HHAT: variants seen among roughly 807,000 people sequenced by gnomAD.
The protein encoded by HHAT is hedgehog acyltransferase, also known as protein-cysteine N-palmitoyltransferase HHAT.
In HHAT, 47 loss-of-function variants were observed where a neutral mutation model predicts 70.8. The observed-to-expected ratio is 0.66, with a 90% confidence interval of 0.53 to 0.85. The LOEUF (loss-of-function observed/expected upper bound fraction) is 0.85, where lower values mean the gene tolerates loss of function less well. Ranked by LOEUF, HHAT falls within the 40% of genes least tolerant of loss-of-function variation. HHAT has a pLI of 0.00. For synonymous variants in HHAT, 228 were observed against 247.6 expected (o/e 0.92, Z 0.74); for missense variants, 609 against 604.8 (o/e 1.01, Z -0.07).
chr1:210,482,635 A>G (rs1234222457), intron 8 of HHAT, among the ~76,000 whole-genome samples: 1 of 152,192 alleles, frequency 6.6e-6, no homozygotes, highest in African/African-American at 2.4e-5. Flanking sequence ...GATTGCCTGC[A>G]TGAAGATATT....
At chr1:210,558,720 T>C (rs994499190) in intron 9 of HHAT, among the ~76,000 whole-genome samples, 2 of 152,024 alleles carry the variant, frequency 1.3e-5, no homozygotes, top group African/African-American at 4.8e-5. Context: ...CCATTTTCTT[T>C]GAACCTCCAA....
intron 10 of HHAT, among the ~76,000 whole-genome samples, chr1:210,602,796 C>T (rs769636309): frequency 6.6e-6 from 1 of 152,116 alleles, no homozygotes; most frequent in Admixed American, 6.5e-5. Context: ...GGCACCCCCA[C>T]AGCATTGTCT....
intron 10 of HHAT, among the ~76,000 whole-genome samples, chr1:210,623,117 C>T (rs1669176345): frequency 6.6e-6 from 1 of 152,196 alleles, no homozygotes; most frequent in African/African-American, 2.4e-5. Context: ...GTCACCCAGA[C>T]TTGGAGTCCT....
intron 11 of HHAT, among the ~76,000 whole-genome samples, chr1:210,672,477 C>A (rs184577444): frequency 6.6e-6 from 1 of 152,334 alleles, no homozygotes; most frequent in East Asian, 1.9e-4. Context: ...TCTTGCTCAG[C>A]CCACGTGGCC....
intron 9 of HHAT, among the ~76,000 whole-genome samples, chr1:210,559,649 C>T (rs2095603506): frequency 6.6e-6 from 1 of 152,168 alleles, no homozygotes; most frequent in Non-Finnish European, 1.5e-5. Flanking sequence ...ACCAAATGTC[C>T]TGGAGACCAT....
rs949466476 is a variant in HHAT at position 210,674,575 on chromosome 1, T to A, written c.*196T>A. 7.1e-6 allele frequency: 4 copies of A among 561,502 alleles called. No homozygotes were observed. Among genetic ancestry groups the A allele is most frequent in the African/African-American group, 5.7e-5 (3 of 53,042 alleles). 34.8% of individuals were successfully genotyped at this position (561,502 alleles called of 1,614,324 possible). A position where few individuals can be genotyped will look rare whatever the true frequency, so the allele number is the denominator to read the frequency against. ...ATCTTCTAATCTGGAGTCTTTGAGA[T>A]CTTCTACCCCAACTCATCATTTTCC... is the stretch of plus-strand genomic sequence containing the variant. On this transcript the variant is annotated 3_prime_UTR_variant, in exon 12 of 12. Coordinates refer to ENST00000261458, the MANE Select transcript of HHAT (RefSeq NM_018194.6).
intron 9 of HHAT, among the ~76,000 whole-genome samples, chr1:210,579,254 A>G (rs868133504): frequency 6.6e-6 from 1 of 152,162 alleles, no homozygotes; most frequent in Non-Finnish European, 1.5e-5. Context: ...GTTTACCTAT[A>G]TAACAACCAG....
intron 3 of HHAT, among the ~76,000 whole-genome samples, chr1:210,368,488 G>A (rs1389280971): frequency 6.6e-6 from 1 of 151,890 alleles, no homozygotes; most frequent in African/African-American, 2.4e-5. Context: ...GATGCGTTTC[G>A]CCATGTCGGC....
chr1:210,380,756 C>G (rs1356905008), intron 3 of HHAT, among the ~76,000 whole-genome samples: 1 of 151,796 alleles, frequency 6.6e-6, no homozygotes, highest in Non-Finnish European at 1.5e-5. Flanking sequence ...GATGGTTTTT[C>G]CAAATAGAGG....
chr1:210,478,233 G>C (rs938723632), intron 8 of HHAT, among the ~76,000 whole-genome samples: 16 of 152,140 alleles, frequency 1.1e-4, no homozygotes, highest in African/African-American at 3.9e-4. Flanking sequence ...TGTTTTTTGT[G>C]TGTTTCATTT....
intron 7 of HHAT, among the ~76,000 whole-genome samples, chr1:210,429,272 T>C (rs182066231): frequency 1.3e-5 from 2 of 151,984 alleles, no homozygotes; most frequent in East Asian, 3.9e-4. Context: ...AGTACTTTTC[T>C]AATATCTAAT....
At chr1:210,418,089 C>T in intron 6 of HHAT, 65 bp from the exon 7 acceptor site, 1 of 1,492,544 alleles carries the variant, frequency 6.7e-7, no homozygotes, top group Non-Finnish European at 9.3e-7. Flanking sequence ...TATGAAAAAT[C>T]TTATCTAAGG....
chr1:210,331,781 C>A (rs1301121136), intron 1 of HHAT, among the ~76,000 whole-genome samples: 1 of 152,198 alleles, frequency 6.6e-6, no homozygotes, highest in African/African-American at 2.4e-5. Flanking sequence ...CACTTATCTG[C>A]CGACTTGAAC....
At chr1:210,469,542 A>T (rs2094163547) in intron 8 of HHAT, among the ~76,000 whole-genome samples, 1 of 152,224 alleles carries the variant, frequency 6.6e-6, no homozygotes, top group Non-Finnish European at 1.5e-5. Flanking sequence ...CATGTACTAA[A>T]GCACTGGATA....
At chr1:210,528,070 G>T (rs562622165) in intron 9 of HHAT, among the ~76,000 whole-genome samples, 1 of 152,154 alleles carries the variant, frequency 6.6e-6, no homozygotes, top group South Asian at 2.1e-4. Context: ...AATTCCTACC[G>T]TCTGGGAGCT....
chr1:210,502,024 CTTTTT>C (rs76785301), intron 8 of HHAT, among the ~76,000 whole-genome samples: 1 of 146,622 alleles, frequency 6.8e-6, no homozygotes. Flanking sequence ...TATTCTTCTT[CTTTTT>C]TTTTTTTTTT....
intron 2 of HHAT, among the ~76,000 whole-genome samples, chr1:210,353,754 G>A (rs758710448): frequency 2.6e-5 from 4 of 151,852 alleles, no homozygotes; most frequent in Non-Finnish European, 2.9e-5. Flanking sequence ...CGGTGCCAGA[G>A]ATCTTATTAA....
At chr1:210,530,149 C>T (rs1436069879) in intron 9 of HHAT, among the ~76,000 whole-genome samples, 5 of 152,008 alleles carry the variant, frequency 3.3e-5, no homozygotes, top group Non-Finnish European at 7.4e-5. Context: ...AAATTGCACA[C>T]AAAAATCATA....
In HHAT at chr1:210,398,744, C is replaced by T. The variant is rs139305978; in HGVS notation, c.274-1724C>T. On this transcript the variant is annotated intron_variant, in intron 4 of 11. Coordinates refer to ENST00000261458, the MANE Select transcript of HHAT (RefSeq NM_018194.6). ...TGTAGGTCATGTTGGAAAAGAAGCC[C>T]CTTTTTTTCATTTGTTAAAACTACC... Among the ~76,000 whole-genome samples the T allele has an allele frequency of 9.3e-4, 142 of 152,216 alleles. 2 individuals are homozygous for T. The highest frequency in any genetic ancestry group is 3.2e-3 in the African/African-American group (134 of 41,536).
Sources: gnomAD v4.1 joint callset for allele counts (sites outside exome capture counted in the v4.1 genomes callset) on GRCh38, gnomAD v4.1.1 for gene constraint, MANE v1.5 for transcripts, NCBI Gene and HGNC (gene_info 2026-07-23, HGNC 2026-07-21) for gene names.